NEGR1: variants seen among roughly 807,000 people sequenced by gnomAD.
NEGR1 encodes the protein IgLON family member 4.
Under a neutral mutation model 40.9 loss-of-function variants are expected in NEGR1, and 10 were observed. The observed-to-expected ratio is 0.24, with a 90% CI of 0.15 to 0.42. The LOEUF (loss-of-function observed/expected upper bound fraction) is 0.42. Among genes scored for constraint, NEGR1 ranks in the 10% least tolerant of loss-of-function variants. NEGR1 has a pLI of 1.00. For missense variants in NEGR1, 352 were observed against 438.9 expected, an observed-to-expected ratio of 0.80 and a Z score of 1.77; for synonymous variants, 185 against 166.8, an observed-to-expected ratio of 1.11 and a Z score of -0.84.
intron 2 of NEGR1, among the ~76,000 whole-genome samples, chr1:71,827,646 T>C (rs1160314817): frequency 6.6e-6 from 1 of 151,890 alleles, no homozygotes; most frequent in East Asian, 1.9e-4. Context: ...AATAACAAAA[T>C]TGCTTTCTAA....
intron 3 of NEGR1, among the ~76,000 whole-genome samples, chr1:71,747,674 C>T (rs919079151): frequency 1.1e-4 from 16 of 152,132 alleles, no homozygotes; most frequent in African/African-American, 3.6e-4. Context: ...ATCCACCTGC[C>T]TCAGCCTCCC....
intron 1 of NEGR1, among the ~76,000 whole-genome samples, chr1:72,162,688 A>G (rs1266469099): frequency 6.6e-6 from 1 of 152,104 alleles, no homozygotes; most frequent in African/African-American, 2.4e-5. Flanking sequence ...TACATGAAAC[A>G]AGCCCCCAAA....
At chr1:71,611,280 T>A in intron 4 of NEGR1, 134 bp from the exon 5 acceptor site, 1 of 746,494 alleles carries the variant, frequency 1.3e-6, no homozygotes, top group East Asian at 2.7e-5. Flanking sequence ...GCATCACATT[T>A]TCAGTGTTTT....
intron 1 of NEGR1, among the ~76,000 whole-genome samples, chr1:72,062,362 T>C (rs1462473624): frequency 6.6e-6 from 1 of 151,926 alleles, no homozygotes; most frequent in African/African-American, 2.4e-5. Context: ...ATTTACTATG[T>C]ACTTTTATAA....
intron 2 of NEGR1, among the ~76,000 whole-genome samples, chr1:71,877,687 C>G (rs1660471409): frequency 6.6e-6 from 1 of 151,982 alleles, no homozygotes; most frequent in Admixed American, 6.6e-5. Context: ...ATAGAATAGA[C>G]AAAGAGTAAA....
intron 1 of NEGR1, among the ~76,000 whole-genome samples, chr1:72,180,834 G>T (rs147267752): frequency 6.2e-4 from 95 of 152,202 alleles, no homozygotes; most frequent in African/African-American, 2.1e-3. Context: ...GTCTCAGGGA[G>T]GCTCTGCTTT....
At chr1:71,560,076 G>A (rs186455319) in intron 6 of NEGR1, among the ~76,000 whole-genome samples, 91 of 150,960 alleles carry the variant, frequency 6.0e-4, no homozygotes, top group African/African-American at 2.1e-3. Flanking sequence ...GTCACTAAGA[G>A]GTCATGATGA....
At chr1:71,554,863 G>A (rs981304284) in intron 6 of NEGR1, among the ~76,000 whole-genome samples, 1 of 151,484 alleles carries the variant, frequency 6.6e-6, no homozygotes, top group African/African-American at 2.4e-5. Context: ...AACACTTAAA[G>A]GGGACGCTTT....
At chr1:72,207,174 A>C (rs972683184) in intron 1 of NEGR1, among the ~76,000 whole-genome samples, 4 of 151,784 alleles carry the variant, frequency 2.6e-5, no homozygotes, top group Non-Finnish European at 5.9e-5. Context: ...AAAAAAACAA[A>C]AGTCAATATA....
intron 2 of NEGR1, among the ~76,000 whole-genome samples, chr1:71,864,754 A>G (rs966626752): frequency 3.3e-5 from 5 of 152,194 alleles, no homozygotes; most frequent in Non-Finnish European, 7.3e-5. Context: ...TAAATAAAAC[A>G]TCAAAAACAC....
intron 4 of NEGR1, among the ~76,000 whole-genome samples, chr1:71,638,167 A>G (rs988878392): frequency 6.6e-6 from 1 of 152,046 alleles, no homozygotes; most frequent in South Asian, 2.1e-4. Context: ...TGCTCAATTA[A>G]TCTTAGAGAA....
chr1:72,166,165 A>C (rs1341514162), intron 1 of NEGR1, among the ~76,000 whole-genome samples: 3 of 151,996 alleles, frequency 2.0e-5, no homozygotes, highest in Non-Finnish European at 4.4e-5. Flanking sequence ...GGAATCTTTG[A>C]GCGCACAACT....
chr1:71,447,415 G>A (rs1179252886), intron 6 of NEGR1, among the ~76,000 whole-genome samples: 1 of 152,124 alleles, frequency 6.6e-6, no homozygotes, highest in Non-Finnish European at 1.5e-5. Flanking sequence ...CAGTGTCTTA[G>A]GATATAATTC....
chr1:72,053,340 A>G (rs772615907), intron 1 of NEGR1, among the ~76,000 whole-genome samples: 2 of 140,552 alleles, frequency 1.4e-5, no homozygotes, highest in Non-Finnish European at 3.2e-5. Flanking sequence ...TCAACAAATT[A>G]TATGTAATAA....
chr1:71,454,854 A>G (rs1038441896), intron 6 of NEGR1, among the ~76,000 whole-genome samples: 1 of 152,178 alleles, frequency 6.6e-6, no homozygotes, highest in African/African-American at 2.4e-5. Context: ...TGGACACTGA[A>G]GGTTTTATCT....
At chr1:71,632,764 G>A (rs1424845346) in intron 4 of NEGR1, among the ~76,000 whole-genome samples, 1 of 151,816 alleles carries the variant, frequency 6.6e-6, no homozygotes, top group Non-Finnish European at 1.5e-5. Context: ...CTAGAACTAT[G>A]CCTTGAATAT....
chr1:72,082,707 C>CA (rs1233737837), intron 1 of NEGR1, among the ~76,000 whole-genome samples: 1 of 140,914 alleles, frequency 7.1e-6, no homozygotes. Context: ...CAAAACAAAA[C>CA]AAAAAACAAA....
At chr1:71,968,007 T>C (rs1365211) in intron 1 of NEGR1, among the ~76,000 whole-genome samples, 45,844 of 152,096 alleles carry the variant, frequency 0.3, 7,797 homozygotes, top group African/African-American at 0.47. Flanking sequence ...CCAGACCACA[T>C]CTTGCTACAA....
Position 72,077,070 on chromosome 1 carries a change from T to A in NEGR1, c.177-141759A>T, listed in dbSNP as rs562116679. On this transcript the variant is annotated intron_variant, in intron 1 of 6. Transcript: ENST00000357731. ...CCACCATGCCCGTCTAATTTTTGTA[T>A]TTTTAGTAGAGAAAAGGTTTCTACC... 8.0e-4 allele frequency among the ~76,000 whole-genome samples: 121 copies of A among 152,002 alleles called. 1 individual carries two copies. Among genetic ancestry groups the A allele is most frequent in the African/African-American group, 2.8e-3 (115 of 41,474 alleles).
Sources: allele counts gnomAD v4.1 joint callset (sites outside exome capture counted in the v4.1 genomes callset), GRCh38; gene constraint gnomAD v4.1.1; transcripts MANE v1.5; gene names NCBI Gene and HGNC (gene_info 2026-07-23, HGNC 2026-07-21).